DDX10: variants seen among roughly 807,000 people sequenced by gnomAD.
DDX10 encodes the protein DEAD-box helicase 10.
A neutral mutation model predicts 104.3 loss-of-function variants in DDX10; 74 were observed. The ratio of observed to expected loss-of-function variants is 0.71; its 90% confidence interval spans 0.59 to 0.86. The LOEUF is 0.86. Ranked by LOEUF, DDX10 falls within the 40% of genes least tolerant of loss-of-function variation. The pLI, the probability that DDX10 is intolerant of heterozygous loss-of-function variation, is 0.00. For synonymous variants in DDX10, 351 were observed against 353.4 expected (o/e 0.99, Z 0.08); for missense variants, 952 against 1,040.0 (o/e 0.92, Z 1.16).
At chr11:108,881,155 C>T (rs1591108435) in intron 16 of DDX10, among the ~76,000 whole-genome samples, 1 of 152,134 alleles carries the variant, frequency 6.6e-6, no homozygotes, top group African/African-American at 2.4e-5. Flanking sequence ...GTATTTTATC[C>T]TCTAGAAACC....
At chr11:108,883,374 C>T (rs751808093) in intron 16 of DDX10, among the ~76,000 whole-genome samples, 8 of 152,124 alleles carry the variant, frequency 5.3e-5, no homozygotes, top group African/African-American at 7.2e-5. Context: ...TCTGTTACCA[C>T]GAATGAATCG....
intron 16 of DDX10, among the ~76,000 whole-genome samples, chr11:108,913,887 T>TTAA (rs1253134435): frequency 7.9e-5 from 12 of 152,188 alleles, no homozygotes; most frequent in Non-Finnish European, 1.6e-4. Context: ...TATTAATAAA[T>TTAA]TAAAGGTATT....
At chr11:108,749,824 AG>A (rs1419981545) in intron 13 of DDX10, among the ~76,000 whole-genome samples, 1 of 152,194 alleles carries the variant, frequency 6.6e-6, no homozygotes, top group Admixed American at 6.6e-5. Context: ...CTTGTTGCAA[AG>A]CTTTTAAGAA....
chr11:108,916,762 T>C (rs1396673746), intron 16 of DDX10, among the ~76,000 whole-genome samples: 2 of 152,202 alleles, frequency 1.3e-5, no homozygotes, highest in African/African-American at 4.8e-5. Flanking sequence ...ACAAAACCAA[T>C]CTACCAGAAA....
chr11:108,906,259 T>C (rs1278648143), intron 16 of DDX10, among the ~76,000 whole-genome samples: 3 of 152,210 alleles, frequency 2.0e-5, no homozygotes, highest in Non-Finnish European at 2.9e-5. Flanking sequence ...TTATTTTGTG[T>C]ATAATATTTT....
intron 11 of DDX10, among the ~76,000 whole-genome samples, chr11:108,719,104 G>GTTTTTTT (rs36015980): frequency 2.3e-5 from 3 of 129,522 alleles, no homozygotes; most frequent in Middle Eastern, 9.6e-3. Flanking sequence ...TATGAAGATA[G>GTTTTTTT]TTTTTTTTTT....
At chr11:108,887,913 TGAAAAAAA>T (rs1863321121) in intron 16 of DDX10, among the ~76,000 whole-genome samples, 1 of 150,316 alleles carries the variant, frequency 6.7e-6, no homozygotes, top group African/African-American at 2.4e-5. Flanking sequence ...CAAGACTCTC[TGAAAAAAA>T]GAAAAAAAAA....
intron 13 of DDX10, among the ~76,000 whole-genome samples, chr11:108,783,863 T>C (rs936051270): frequency 6.6e-6 from 1 of 152,212 alleles, no homozygotes; most frequent in Non-Finnish European, 1.5e-5. Context: ...CTCATCGTTA[T>C]GTCTGTGTGT....
At chr11:108,665,728 G>C (rs113213682) in intron 1 of DDX10, among the ~76,000 whole-genome samples, 2,597 of 152,222 alleles carry the variant, frequency 0.017, 31 homozygotes, top group Non-Finnish European at 0.03. Flanking sequence ...TTTAACAGAT[G>C]AGATAATTGA....
At chr11:108,745,026 A>T (rs1385615015) in intron 13 of DDX10, among the ~76,000 whole-genome samples, 1 of 142,422 alleles carries the variant, frequency 7.0e-6, no homozygotes, top group South Asian at 2.4e-4. Flanking sequence ...AAGTGAAGGA[A>T]AATTACTTTT....
Position 108,852,137 on chromosome 11 carries a change from T to C in DDX10, c.2248-16T>C, listed in dbSNP as rs998928219. 1.2e-6 allele frequency: 2 copies of C among 1,602,300 alleles called. No homozygotes were observed. The highest frequency in any genetic ancestry group is 2.7e-5 in the African/African-American group (2 of 74,520). ...AATTATATGCTGCTAATTTTTCTCC[T>C]CTTCCTTGTCTCCAGGAGAAAAGAC... On this transcript the variant is annotated splice_polypyrimidine_tract_variant and intron_variant, in intron 15 of 17. Transcript: ENST00000322536.
chr11:108,731,956 A>G (rs2094312856), intron 13 of DDX10, among the ~76,000 whole-genome samples: 2 of 152,140 alleles, frequency 1.3e-5, no homozygotes, highest in Non-Finnish European at 2.9e-5. Context: ...ATGTTTTAGA[A>G]TTGTCTTTGT....
intron 13 of DDX10, among the ~76,000 whole-genome samples, chr11:108,790,979 T>A (rs1861862607): frequency 6.6e-6 from 1 of 152,228 alleles, no homozygotes; most frequent in Non-Finnish European, 1.5e-5. Flanking sequence ...GAGAAAAATA[T>A]TTCCCATCTC....
At chr11:108,859,223 A>C (rs1305861120) in intron 16 of DDX10, among the ~76,000 whole-genome samples, 1 of 152,204 alleles carries the variant, frequency 6.6e-6, no homozygotes, top group Non-Finnish European at 1.5e-5. Context: ...AATAAGAGGA[A>C]ATTTTTCAGG....
rs975179856 is a variant in DDX10 at position 108,882,339 on chromosome 11, G to A, written c.2304+30130G>A. Among the ~76,000 whole-genome samples the A allele has an allele frequency of 2.6e-5, 4 of 152,148 alleles. No homozygotes were observed. The East Asian group carries it at 5.8e-4, about 22-fold the overall frequency. ...CTCATTTGAAAAGATAACTCTCGAC[G>A]CCAGGGCATTCCATTCATGTTATAA... On this transcript the variant is annotated intron_variant, in intron 16 of 17. Transcript: ENST00000322536.
chr11:108,931,141 C>T (rs182920237), intron 17 of DDX10, among the ~76,000 whole-genome samples: 5 of 152,312 alleles, frequency 3.3e-5, no homozygotes, highest in Admixed American at 1.3e-4. Flanking sequence ...AAGACCGTAT[C>T]TCAGGGGGTC....
chr11:108,803,674 T>G lies in DDX10; in HGVS notation c.1966-34772T>G, dbSNP rs562154398. On this transcript the variant is annotated intron_variant, in intron 13 of 17. Coordinates refer to ENST00000322536, the MANE Select transcript of DDX10 (RefSeq NM_004398.4). The stretch of plus-strand genomic sequence containing the variant: ...TATCTCTGAGACATACATATGTAAA[T>G]CTAATTAATCTATTGAATTCATGTG... Among the ~76,000 whole-genome samples the G allele has an allele frequency of 7.2e-5, 11 of 152,066 alleles. No homozygotes were observed. In the South Asian group the frequency reaches 2.3e-3, roughly 32 times the overall value.
chr11:108,918,106 A>G (rs1863776572), intron 17 of DDX10, 88 bp downstream of exon 17: 1 of 1,320,744 alleles, frequency 7.6e-7, no homozygotes. Flanking sequence ...TAAGAGTTCT[A>G]CTCCAAGAGA....
chr11:108,698,544 T>C (rs1399860572), intron 9 of DDX10, among the ~76,000 whole-genome samples: 1 of 152,182 alleles, frequency 6.6e-6, no homozygotes, highest in African/African-American at 2.4e-5. Context: ...ATAGCCAGTA[T>C]GGCTGTAGGA....
Sources: gnomAD v4.1 joint callset for allele counts (sites outside exome capture counted in the v4.1 genomes callset) on GRCh38, gnomAD v4.1.1 for gene constraint, MANE v1.5 for transcripts, NCBI Gene and HGNC (gene_info 2026-07-23, HGNC 2026-07-21) for gene names.